CLIP1: variants seen among roughly 807,000 people sequenced by gnomAD.
The protein encoded by CLIP1 is CAP-Gly domain-containing linker protein 1.
CLIP1 carries 66 observed loss-of-function variants against 161.6 expected under a neutral mutation model. That is an observed-to-expected ratio of 0.41 (90% CI 0.33 to 0.50). CLIP1 has a LOEUF of 0.50. CLIP1 is among the 20% of genes least tolerant of loss of function. CLIP1 has a pLI of 0.27. For synonymous variants in CLIP1, 598 were observed against 626.2 expected, an observed-to-expected ratio of 0.96 and a Z score of 0.67; for missense variants, 1,376 against 1,702.0, an observed-to-expected ratio of 0.81 and a Z score of 3.37.
intron 24 of CLIP1, chr12:122,275,831 G>C (rs1402902792): frequency 6.6e-6 from 1 of 152,076 alleles, no homozygotes; most frequent in Non-Finnish European, 1.5e-5. Flanking sequence ...TGTCCTCAGG[G>C]AAAATGGAGA....
At chr12:122,358,224 C>T (rs1399264641) in intron 5 of CLIP1, among the ~76,000 whole-genome samples, 5 of 151,248 alleles carry the variant, frequency 3.3e-5, no homozygotes, top group African/African-American at 1.2e-4. Flanking sequence ...CTTTGTTAAA[C>T]AGATGCTTGA....
chr12:122,315,466 A>G lies in CLIP1; in HGVS notation c.3473+1283T>C, dbSNP rs547019958. Among the ~76,000 whole-genome samples the G allele has an allele frequency of 6.6e-5, 10 of 152,294 alleles. No homozygotes were observed. In the East Asian group the frequency reaches 1.9e-3, roughly 29 times the overall value. On this transcript the variant is annotated intron_variant, in intron 19 of 25. Coordinates refer to ENST00000620786, the MANE Select transcript of CLIP1 (RefSeq NM_001247997.2). ...TCCTTTAAAATGTCTGAAAATGCCA[A>G]TCTCTAATAACTACACTAGCCAAAC...
chr12:122,388,221 ATTTT>A (rs202147907), intron 1 of CLIP1, among the ~76,000 whole-genome samples: 1 of 143,208 alleles, frequency 7.0e-6, no homozygotes, highest in Non-Finnish European at 1.5e-5. Context: ...TAGGCCAGCT[ATTTT>A]TTTTTTTTTT....
intron 1 of CLIP1, among the ~76,000 whole-genome samples, chr12:122,384,790 T>C (rs1437357669): frequency 6.7e-6 from 1 of 148,690 alleles, no homozygotes; most frequent in Non-Finnish European, 1.5e-5. Context: ...TAAAGCGAAA[T>C]CATTCTCTCC....
chr12:122,284,009 ATTTAT>A (rs1371137149), intron 21 of CLIP1, among the ~76,000 whole-genome samples: 2 of 152,196 alleles, frequency 1.3e-5, no homozygotes, highest in Non-Finnish European at 2.9e-5. Context: ...TGGTTGACAC[ATTTAT>A]TTAACCATTA....
intron 20 of CLIP1, among the ~76,000 whole-genome samples, chr12:122,295,611 T>A (rs576897595): frequency 6.6e-6 from 1 of 152,358 alleles, no homozygotes; most frequent in African/African-American, 2.4e-5. Flanking sequence ...AATCTGCAGA[T>A]GACTGTTAGG....
intron 24 of CLIP1, 129 bp downstream of exon 24, chr12:122,278,025 A>T: frequency 2.6e-6 from 2 of 775,338 alleles, no homozygotes; most frequent in Non-Finnish European, 4.4e-6. Flanking sequence ...TGTTTGGACT[A>T]GAGGAATGCA....
At chr12:122,352,058 C>CTTTT (rs11448068) in intron 8 of CLIP1, among the ~76,000 whole-genome samples, 2 of 137,422 alleles carry the variant, frequency 1.5e-5, no homozygotes, top group Non-Finnish European at 3.1e-5. Flanking sequence ...TTGTTGTGGA[C>CTTTT]TTTTTTTTTT....
At chr12:122,352,058 C>CTTT (rs11448068) in intron 8 of CLIP1, among the ~76,000 whole-genome samples, 3 of 137,420 alleles carry the variant, frequency 2.2e-5, no homozygotes, top group African/African-American at 2.7e-5. Context: ...TTGTTGTGGA[C>CTTT]TTTTTTTTTT....
rs983442542 is a variant in CLIP1, at chr12:122,319,325, G to T, written c.3273C>A (p.Ala1091=). ...TGGTCATCTGTTCCATTATCTGCAT[G>T]GCATCTTCCGCTGTTTGAGCAGCCT... The part of the protein sequence containing the change: ...KAKAAQTAED[A]MQIMEQMTKE... Residue 1091 remains alanine (A), a synonymous_variant, in exon 18 of 26, where the codon GCC becomes GCA. Coordinates refer to ENST00000620786, the MANE Select transcript of CLIP1 (RefSeq NM_001247997.2). 4.3e-6 allele frequency: 7 copies of T among 1,613,752 alleles called. No individual in the cohort carries two copies. The highest frequency in any genetic ancestry group is 4.0e-5 in the African/African-American group (3 of 74,934).
rs145194104 is a variant in CLIP1, at chr12:122,412,056, T to C, written c.-107+10465A>G. ...CCTACTTACTATCTACAACCAGTTA[T>C]TTTCTTTTTTTTTTTTTTTTTTTTT... On this transcript the variant is annotated intron_variant, in intron 1 of 25. Transcript: ENST00000620786. Among the ~76,000 whole-genome samples the C allele has an allele frequency of 8.9e-3, 1,216 of 136,194 alleles. 17 individuals carry two copies. Among genetic ancestry groups the C allele is most frequent in the African/African-American group, 0.032 (1,157 of 35,868 alleles). The allele number at this position is 136,194 out of a possible 152,430, so 89.3% of individuals were successfully genotyped here.
chr12:122,295,144 G>A (rs934802943), intron 20 of CLIP1, among the ~76,000 whole-genome samples: 21 of 151,956 alleles, frequency 1.4e-4, no homozygotes, highest in Middle Eastern at 3.4e-3. Flanking sequence ...TGAGATGGGC[G>A]GCAAATCATT....
Position 122,340,865 on chromosome 12 carries a change from CG to C in CLIP1, c.2338del (p.Arg780GlyfsTer11). 1 of 1,614,182 alleles carries C rather than the reference CG, an allele frequency of 6.2e-7. No homozygotes were observed. Among genetic ancestry groups the C allele is most frequent in the Non-Finnish European group, 8.5e-7 (1 of 1,180,022 alleles). On this transcript the variant is annotated frameshift_variant, in exon 11 of 26. Coordinates refer to ENST00000620786, the MANE Select transcript of CLIP1 (RefSeq NM_001247997.2). LOFTEE classifies it high-confidence loss of function. ...EEKLLDLDALRKASSEGKSEM... is the reference protein window; with the variant it reads ...EEKLLDLDALXKASSEGKSEM... ...CGATTTACCTTCGGAACTGGCTTTC[CG>C]AAGTGCATCAAGATCCAAGAGCTTT...
chr12:122,333,441 G>A (rs1024072346), intron 14 of CLIP1, among the ~76,000 whole-genome samples: 1 of 152,168 alleles, frequency 6.6e-6, no homozygotes, highest in Non-Finnish European at 1.5e-5. Context: ...AGGAAGTGAG[G>A]GAATGGGGAA....
chr12:122,414,468 G>A (rs192374786), intron 1 of CLIP1, among the ~76,000 whole-genome samples: 21 of 151,536 alleles, frequency 1.4e-4, no homozygotes, highest in Middle Eastern at 3.4e-3. Flanking sequence ...GTTTTGTTTT[G>A]TTGTTTCTTT....
At chr12:122,276,631 T>TGTTAGTTG in intron 24 of CLIP1, 1 of 406,600 alleles carries the variant, frequency 2.5e-6, no homozygotes, top group Non-Finnish European at 4.1e-6. Flanking sequence ...GCAACTAACA[T>TGTTAGTTG]CTCAAGGTGA....
intron 1 of CLIP1, among the ~76,000 whole-genome samples, chr12:122,407,892 C>T (rs1956389105): frequency 6.6e-6 from 1 of 150,822 alleles, no homozygotes; most frequent in African/African-American, 2.4e-5. Flanking sequence ...CTGCTCTGAA[C>T]AAGAAAAGGG....
intron 10 of CLIP1, among the ~76,000 whole-genome samples, chr12:122,344,560 C>T (rs1489616580): frequency 2.0e-5 from 3 of 151,994 alleles, no homozygotes; most frequent in African/African-American, 7.2e-5. Flanking sequence ...GAGAAAAATG[C>T]CAAGTAAAAA....
rs371009233 is a variant in CLIP1 at position 122,377,908 on chromosome 12, T to G, written c.138A>C (p.Pro46=). The G allele has an allele frequency of 4.3e-6, 7 of 1,613,794 alleles. No homozygotes were observed. The African/African-American group carries it at 9.4e-5, about 22-fold the overall frequency. ...CAAATTCCTCCTGAGTCTCAGATGATGGAGTGCTTGATGCTTTTTCACTGG... is the reference window on the plus strand; with the variant it reads ...CAAATTCCTCCTGAGTCTCAGATGAGGGAGTGCTTGATGCTTTTTCACTGG... ...TISSEKASST[P]SSETQEEFVD... Residue 46 remains proline (P), a synonymous_variant, in exon 3 of 26, where the codon CCA becomes CCC. Transcript: ENST00000620786.
Sources: gnomAD v4.1 joint callset for allele counts (sites outside exome capture counted in the v4.1 genomes callset) on GRCh38, gnomAD v4.1.1 for gene constraint, MANE v1.5 for transcripts, NCBI Gene and HGNC (gene_info 2026-07-23, HGNC 2026-07-21) for gene names.